Variants in ZFHX3 observed in about 807,000 individuals in gnomAD.
ZFHX3 encodes zinc finger homeobox protein 3.
Under a neutral mutation model 279.1 loss-of-function variants are expected in ZFHX3, and 42 were observed. The ratio of observed to expected loss-of-function variants is 0.15; its 90% CI spans 0.12 to 0.19. ZFHX3 has a LOEUF of 0.19. Ranked by LOEUF, ZFHX3 falls within the 10% of genes least tolerant of loss-of-function variation. The pLI is 1.00. For missense variants in ZFHX3, 4,981 were observed against 4,754.0 expected, an observed-to-expected ratio of 1.05 and a Z score of -1.40; for synonymous variants, 2,293 against 1,957.8, an observed-to-expected ratio of 1.17 and a Z score of -4.52.
chr16:73,539,436 T>C (rs796990936), intron 2 of ZFHX3, among the ~76,000 whole-genome samples: 165 of 109,796 alleles, frequency 1.5e-3, no homozygotes, highest in African/African-American at 6.8e-3. Context: ...TCTTCTTCTT[T>C]TTTTTTTTTT....
chr16:73,421,835 C>T (rs952311277), intron 3 of ZFHX3, among the ~76,000 whole-genome samples: 1 of 152,014 alleles, frequency 6.6e-6, no homozygotes, highest in South Asian at 2.1e-4. Flanking sequence ...ATGCCCAGGA[C>T]AAAACTTGAG....
At chr16:73,533,021 C>T (rs1471571446) in intron 2 of ZFHX3, among the ~76,000 whole-genome samples, 2 of 152,192 alleles carry the variant, frequency 1.3e-5, no homozygotes, top group Non-Finnish European at 2.9e-5. Context: ...ATTACCCAGT[C>T]TTCGGTATTT....
intron 3 of ZFHX3, among the ~76,000 whole-genome samples, chr16:73,394,453 G>A (rs968123974): frequency 6.6e-6 from 1 of 151,804 alleles, no homozygotes; most frequent in Non-Finnish European, 1.5e-5. Flanking sequence ...CCCCTACCAC[G>A]CCCAGCTAAT....
chr16:72,829,223 G>A (rs2037007039), intron 5 of ZFHX3, among the ~76,000 whole-genome samples: 2 of 150,010 alleles, frequency 1.3e-5, no homozygotes, highest in Non-Finnish European at 3.0e-5. Flanking sequence ...ATGTTGCCCA[G>A]GCAGGTCTTG....
chr16:73,091,104 G>A lies in ZFHX3; in HGVS notation c.-533+2131C>T, dbSNP rs181377352. On this transcript the variant is annotated intron_variant, in intron 8 of 17. Coordinates refer to the ZFHX3 transcript ENST00000641206. The stretch of plus-strand genomic sequence containing the variant: ...CGGGTGCCTGTAGTCCCAGCTACTC[G>A]GGAGGCTGAGGCAAAAGAATGGCAT... 3.1e-3 allele frequency among the ~76,000 whole-genome samples: 471 copies of A among 151,796 alleles called. 12 individuals carry two copies. Among genetic ancestry groups the A allele is most frequent in the Admixed American group, 0.025 (375 of 15,224 alleles).
intron 5 of ZFHX3, among the ~76,000 whole-genome samples, chr16:73,256,660 A>C (rs2013669334): frequency 6.6e-6 from 1 of 152,240 alleles, no homozygotes; most frequent in South Asian, 2.1e-4. Flanking sequence ...TGCAATGTAA[A>C]GAGTTTAGGG....
intron 4 of ZFHX3, among the ~76,000 whole-genome samples, chr16:72,876,042 T>C (rs1303938609): frequency 1.3e-5 from 2 of 152,240 alleles, no homozygotes; most frequent in Admixed American, 6.5e-5. Context: ...GCATCCTGGT[T>C]ACTCAGTTTC....
chr16:72,856,264 T>C (rs1321453462), intron 4 of ZFHX3, among the ~76,000 whole-genome samples: 1 of 152,184 alleles, frequency 6.6e-6, no homozygotes, highest in Non-Finnish European at 1.5e-5. Flanking sequence ...GAAAAGCCAA[T>C]GAGACTGACA....
intron 5 of ZFHX3, among the ~76,000 whole-genome samples, chr16:73,193,316 C>G (rs145447621): frequency 6.6e-6 from 1 of 152,198 alleles, no homozygotes; most frequent in Admixed American, 6.5e-5. Flanking sequence ...GTAACATAAT[C>G]TCCACCCTGT....
intron 1 of ZFHX3, among the ~76,000 whole-genome samples, chr16:73,781,161 C>A (rs2096706056): frequency 6.6e-6 from 1 of 152,144 alleles, no homozygotes; most frequent in South Asian, 2.1e-4. Flanking sequence ...ACACTCCCTG[C>A]CTCATTACCT....
intron 5 of ZFHX3, among the ~76,000 whole-genome samples, chr16:73,256,851 T>C (rs893370169): frequency 1.3e-5 from 2 of 152,174 alleles, no homozygotes; most frequent in African/African-American, 2.4e-5. Context: ...CAAGTCCTGT[T>C]GGACATGTAC....
chr16:73,206,847 A>G (rs916681285), intron 5 of ZFHX3, among the ~76,000 whole-genome samples: 8 of 151,754 alleles, frequency 5.3e-5, no homozygotes, highest in African/African-American at 1.9e-4. Flanking sequence ...GTGAAACCCC[A>G]TTTCTAATAA....
Position 73,449,064 on chromosome 16 carries a change from G to A in ZFHX3, c.-1291+6939C>T, listed in dbSNP as rs73597047. ...GCAACACTGAAATATTCTCAAACTC[G>A]GAGTATGACACCTATGAGTCCATGT... On this transcript the variant is annotated intron_variant, in intron 3 of 17. Transcript: ENST00000641206. Among the ~76,000 whole-genome samples, 146 of 152,174 alleles carry A rather than the reference G, an allele frequency of 9.6e-4. 1 individual carries two copies. Among genetic ancestry groups the A allele is most frequent in the African/African-American group, 3.1e-3 (129 of 41,528 alleles).
chr16:73,310,256 G>T (rs1368354613), intron 4 of ZFHX3, among the ~76,000 whole-genome samples: 7 of 152,124 alleles, frequency 4.6e-5, no homozygotes. Flanking sequence ...ATCTGAGGTG[G>T]TGGTGGTGGT....
At chr16:73,324,607 G>A (rs565251613) in intron 3 of ZFHX3, among the ~76,000 whole-genome samples, 41 of 152,318 alleles carry the variant, frequency 2.7e-4, no homozygotes, top group Admixed American at 1.3e-4. Context: ...AGCTGTCCTG[G>A]GGATTTGAGA....
Position 72,796,253 on chromosome 16 carries a change from C to T in ZFHX3, c.6429G>A (p.Gln2143=). ...TCCTGGTGCGAGGCCTCTTGTTCTG[C>T]TGCTGGAGCAGGGTTGGATTGAGCT... ...QHQLNPTLLQ[Q]QNKRPRTRIT... The change falls in exon 9 of 10, where the codon CAG becomes CAA. Residue 2143 remains glutamine, a synonymous_variant. Transcript: ENST00000268489. The T allele has an allele frequency of 5.6e-6, 9 of 1,614,136 alleles. No homozygotes were observed. The highest frequency in any genetic ancestry group is 7.6e-6 in the Non-Finnish European group (9 of 1,180,030).
At chr16:73,042,659 A>T (rs1337696444) in intron 1 of ZFHX3, among the ~76,000 whole-genome samples, 1 of 152,122 alleles carries the variant, frequency 6.6e-6, no homozygotes. Context: ...CTCCTGCCCT[A>T]GAAGCATCGG....
chr16:72,914,067 G>A (rs537464944), intron 3 of ZFHX3, among the ~76,000 whole-genome samples: 5 of 152,328 alleles, frequency 3.3e-5, no homozygotes, highest in African/African-American at 1.2e-4. Flanking sequence ...ACAGAGGCGG[G>A]ATCTGAACCC....
intron 1 of ZFHX3, among the ~76,000 whole-genome samples, chr16:73,734,177 C>T (rs1217483434): frequency 6.6e-6 from 1 of 152,164 alleles, no homozygotes; most frequent in Admixed American, 6.5e-5. Flanking sequence ...TGCTGGCTGG[C>T]TTCACCCACC....
Sources: allele counts gnomAD v4.1 joint callset (sites outside exome capture counted in the v4.1 genomes callset), GRCh38; gene constraint gnomAD v4.1.1; transcripts MANE v1.5; gene names NCBI Gene and HGNC (gene_info 2026-07-23, HGNC 2026-07-21).